Variants in RBFOX1 observed in about 807,000 individuals in gnomAD.
The protein encoded by RBFOX1 is RNA binding protein fox-1 homolog 1.
In RBFOX1, 8 loss-of-function variants were observed where a neutral mutation model predicts 57.7. The observed-to-expected ratio is 0.14, with a 90% CI of 0.08 to 0.25. The LOEUF (loss-of-function observed/expected upper bound fraction) is 0.25, where lower values mean the gene tolerates loss of function less well. Among genes scored for constraint, RBFOX1 ranks in the 10% least tolerant of loss-of-function variants. RBFOX1 has a pLI of 1.00. For synonymous variants in RBFOX1, 326 were observed against 222.4 expected, an observed-to-expected ratio of 1.47 and a Z score of -4.15; for missense variants, 611 against 548.5, an observed-to-expected ratio of 1.11 and a Z score of -1.14.
chr16:7,012,668 T>A (rs546494745), intron 3 of RBFOX1, among the ~76,000 whole-genome samples: 1 of 152,298 alleles, frequency 6.6e-6, no homozygotes, highest in South Asian at 2.1e-4. Flanking sequence ...ATGGGACAAT[T>A]AATTTTAAGC....
At chr16:6,482,720 A>T (rs1343697878) in intron 2 of RBFOX1, among the ~76,000 whole-genome samples, 1 of 152,176 alleles carries the variant, frequency 6.6e-6, no homozygotes, top group African/African-American at 2.4e-5. Context: ...ATGAAATAGG[A>T]TGAAAGCCTA....
intron 3 of RBFOX1, among the ~76,000 whole-genome samples, chr16:6,697,241 G>A (rs1278009090): frequency 6.6e-6 from 1 of 152,080 alleles, no homozygotes; most frequent in Non-Finnish European, 1.5e-5. Flanking sequence ...CTGCAGTAGT[G>A]GACCAGGTTT....
At chr16:6,023,877 C>T (rs545696232) in intron 1 of RBFOX1, among the ~76,000 whole-genome samples, 2 of 152,290 alleles carry the variant, frequency 1.3e-5, no homozygotes, top group South Asian at 4.1e-4. Flanking sequence ...AAAATACTGC[C>T]TCGAGGCACA....
At chr16:7,021,186 C>G (rs980347215) in intron 3 of RBFOX1, among the ~76,000 whole-genome samples, 1 of 151,934 alleles carries the variant, frequency 6.6e-6, no homozygotes, top group Non-Finnish European at 1.5e-5. Context: ...ACAAGGGAAA[C>G]TTGTCTCTTC....
At chr16:6,243,711 C>G (rs1425321930) in intron 1 of RBFOX1, among the ~76,000 whole-genome samples, 1 of 152,186 alleles carries the variant, frequency 6.6e-6, no homozygotes, top group Non-Finnish European at 1.5e-5. Flanking sequence ...GAACCTGGTT[C>G]AGCCAGGCTG....
At chr16:6,285,006 G>T (rs956592349) in intron 1 of RBFOX1, among the ~76,000 whole-genome samples, 1 of 152,160 alleles carries the variant, frequency 6.6e-6, no homozygotes, top group Non-Finnish European at 1.5e-5. Context: ...GGGCTTCAAA[G>T]AAACATTCAC....
At chr16:7,036,767 T>C (rs1376969635) in intron 3 of RBFOX1, among the ~76,000 whole-genome samples, 1 of 148,458 alleles carries the variant, frequency 6.7e-6, no homozygotes, top group South Asian at 2.1e-4. Context: ...GGGAAGTCCA[T>C]AGAGTAAAGT....
chr16:6,577,892 C>A (rs1293346410), intron 2 of RBFOX1, among the ~76,000 whole-genome samples: 1 of 152,124 alleles, frequency 6.6e-6, no homozygotes, highest in Non-Finnish European at 1.5e-5. Context: ...ACAAACGAGG[C>A]AATCATTTTT....
intron 3 of RBFOX1, among the ~76,000 whole-genome samples, chr16:7,000,881 C>G (rs948816293): frequency 1.2e-4 from 18 of 152,088 alleles, no homozygotes; most frequent in African/African-American, 4.3e-4. Context: ...GGATTACAGG[C>G]GTGAGCCACC....
In RBFOX1 at chr16:5,780,475, A is replaced by T. The variant is rs760026752; in HGVS notation, c.319-86828A>T. ...ACACAAGGGAATGAATATGAGATAAAGATAAAATCATAATATCACGTTGTA... is the reference window on the plus strand; with the variant it reads ...ACACAAGGGAATGAATATGAGATAATGATAAAATCATAATATCACGTTGTA... On this transcript the variant is annotated intron_variant, in intron 3 of 19. Transcript: ENST00000641259. Among the ~76,000 whole-genome samples, 5 of 152,248 alleles carry T rather than the reference A, an allele frequency of 3.3e-5. No homozygotes were observed. In the East Asian group the frequency reaches 9.6e-4, roughly 29 times the overall value.
intron 4 of RBFOX1, among the ~76,000 whole-genome samples, chr16:7,100,622 C>T (rs934846247): frequency 7.1e-6 from 1 of 140,768 alleles, no homozygotes; most frequent in South Asian, 2.2e-4. Flanking sequence ...TACCCATTTG[C>T]CTACTGTTGG....
At chr16:7,035,640 G>A (rs1380188153) in intron 3 of RBFOX1, among the ~76,000 whole-genome samples, 2 of 151,996 alleles carry the variant, frequency 1.3e-5, no homozygotes, top group African/African-American at 2.4e-5. Flanking sequence ...CTCTGAGCTC[G>A]GTCATTACTT....
At chr16:5,737,956 G>A (rs1597041850) in intron 3 of RBFOX1, among the ~76,000 whole-genome samples, 1 of 151,980 alleles carries the variant, frequency 6.6e-6, no homozygotes, top group Admixed American at 6.6e-5. Context: ...GGCTGCACCC[G>A]CCAACCTGTC....
Position 5,760,061 on chromosome 16 carries a change from A to G in RBFOX1, c.319-107242A>G, listed in dbSNP as rs2053540207. 2.0e-5 allele frequency among the ~76,000 whole-genome samples: 3 copies of G among 151,594 alleles called. No individual in the cohort carries two copies. In the South Asian group the frequency reaches 6.2e-4, roughly 32 times the overall value. On this transcript the variant is annotated intron_variant, in intron 3 of 19. Transcript: ENST00000641259. ...CCTCAATATGCTGAGATGTTTTGTG[A>G]TCTAGTAAATAGCAGGAAATTTTTG...
Position 5,544,951 on chromosome 16 carries a change from C to CTTTTTTTTTTTTTTT in RBFOX1, c.259-53922_259-53908dup, listed in dbSNP as rs59873374. On this transcript the variant is annotated intron_variant, in intron 2 of 2. Transcript: ENST00000585867. Reference sequence around the variant, plus strand: ...GTATAGATGGCCTTACTATTACATTCTTTTTTTTTTTTTTTTTTTTTTTTT... The same window carrying CTTTTTTTTTTTTTTT: ...GTATAGATGGCCTTACTATTACATTCTTTTTTTTTTTTTTTTTTTTTTTTTTTTTTTTTTTTTTTT... Among the ~76,000 whole-genome samples, 47 of 124,406 alleles carry CTTTTTTTTTTTTTTT rather than the reference C, an allele frequency of 3.8e-4. 4 individuals are homozygous for CTTTTTTTTTTTTTTT. The highest frequency in any genetic ancestry group is 6.9e-4 in the African/African-American group (20 of 29,032). 81.6% of individuals were successfully genotyped at this position (124,406 alleles called of 152,430 possible). A position where few individuals can be genotyped will look rare whatever the true frequency, so the allele number is the denominator to read the frequency against.
At position 7,099,879 on chromosome 16, in the gene RBFOX1, G is replaced by A. The variant is rs182307574; in HGVS notation, c.27+47781G>A. Among the ~76,000 whole-genome samples the A allele has an allele frequency of 2.8e-3, 419 of 152,212 alleles. 1 individual carries two copies. The highest frequency in any genetic ancestry group is 9.8e-3 in the African/African-American group (409 of 41,542). On this transcript the variant is annotated intron_variant, in intron 4 of 15. Coordinates refer to ENST00000550418, the MANE Select transcript of RBFOX1 (RefSeq NM_018723.4). ...TGCGGTTACAGCCTCTAAGTAGCAG[G>A]TTTTAGGGAGAATAGACTGTAAATG...
chr16:6,770,053 G>C (rs927006795), intron 3 of RBFOX1, among the ~76,000 whole-genome samples: 8 of 152,156 alleles, frequency 5.3e-5, no homozygotes, highest in Admixed American at 4.6e-4. Flanking sequence ...AATGAGGAAA[G>C]AAATTAGAAA....
intron 1 of RBFOX1, among the ~76,000 whole-genome samples, chr16:6,074,570 C>T (rs150792782): frequency 2.8e-4 from 42 of 152,234 alleles, no homozygotes; most frequent in African/African-American, 8.2e-4. Context: ...GAGGGACTAT[C>T]GTGATAGGTG....
At chr16:5,905,823 A>C (rs1056602463) in intron 4 of RBFOX1, among the ~76,000 whole-genome samples, 10 of 152,204 alleles carry the variant, frequency 6.6e-5, no homozygotes, top group Non-Finnish European at 1.2e-4. Flanking sequence ...TCCACTCCCA[A>C]GCCCCAGCAA....
Sources: gnomAD v4.1 joint callset for allele counts (sites outside exome capture counted in the v4.1 genomes callset) on GRCh38, gnomAD v4.1.1 for gene constraint, MANE v1.5 for transcripts, NCBI Gene and HGNC (gene_info 2026-07-23, HGNC 2026-07-21) for gene names.